ZBTB7C: variants seen among roughly 807,000 people sequenced by gnomAD.
ZBTB7C encodes zinc finger and BTB domain containing 7C, also known as zinc finger and BTB domain-containing protein 7C.
A neutral mutation model predicts 25.7 loss-of-function variants in ZBTB7C; 8 were observed. That is an observed-to-expected ratio of 0.31 (90% CI 0.18 to 0.56). The LOEUF is 0.56. Ranked by LOEUF, ZBTB7C falls within the 20% of genes least tolerant of loss-of-function variation. The pLI, the probability that ZBTB7C is intolerant of heterozygous loss-of-function variation, is 0.91. For synonymous variants in ZBTB7C, 394 were observed against 369.0 expected (o/e 1.07, Z -0.78); for missense variants, 824 against 855.2 (o/e 0.96, Z 0.46).
At chr18:48,164,360 C>T (rs1447945208) in intron 3 of ZBTB7C, among the ~76,000 whole-genome samples, 1 of 152,206 alleles carries the variant, frequency 6.6e-6, no homozygotes, top group Non-Finnish European at 1.5e-5. Flanking sequence ...ACTCAGACTT[C>T]TCATTCCAGG....
At chr18:48,226,658 A>G (rs958709004) in intron 2 of ZBTB7C, among the ~76,000 whole-genome samples, 4 of 152,220 alleles carry the variant, frequency 2.6e-5, no homozygotes, top group Non-Finnish European at 5.9e-5. Context: ...GGAGCAGTAC[A>G]TGTTCACTGA....
chr18:48,157,150 T>C (rs1339624525), intron 3 of ZBTB7C, among the ~76,000 whole-genome samples: 1 of 152,222 alleles, frequency 6.6e-6, no homozygotes, highest in Non-Finnish European at 1.5e-5. Context: ...TATGTGGCTT[T>C]TGCCTATAAC....
intron 2 of ZBTB7C, among the ~76,000 whole-genome samples, chr18:48,219,958 C>T (rs758362757): frequency 2.0e-5 from 3 of 152,124 alleles, no homozygotes; most frequent in Non-Finnish European, 2.9e-5. Flanking sequence ...CCTGTTATGG[C>T]CCCTCCCAGA....
At chr18:48,322,759 A>C (rs2046128606) in intron 2 of ZBTB7C, among the ~76,000 whole-genome samples, 1 of 152,230 alleles carries the variant, frequency 6.6e-6, no homozygotes, top group Non-Finnish European at 1.5e-5. Flanking sequence ...TGTTTATAGC[A>C]GCACAATTCG....
At chr18:48,108,356 C>A (rs957621199) in intron 3 of ZBTB7C, among the ~76,000 whole-genome samples, 6 of 152,122 alleles carry the variant, frequency 3.9e-5, no homozygotes, top group Non-Finnish European at 8.8e-5. Context: ...GGATCAGCAG[C>A]GACCACAGGC....
At chr18:48,200,486 C>G (rs1470656819) in intron 2 of ZBTB7C, among the ~76,000 whole-genome samples, 1 of 152,078 alleles carries the variant, frequency 6.6e-6, no homozygotes, top group East Asian at 1.9e-4. Context: ...AGGACAGGCA[C>G]GAAATATCTC....
At chr18:48,159,907 G>A (rs940640566) in intron 3 of ZBTB7C, among the ~76,000 whole-genome samples, 2 of 152,242 alleles carry the variant, frequency 1.3e-5, no homozygotes, top group Admixed American at 1.3e-4. Context: ...TGGGGCTGTG[G>A]TCTCTTCACA....
At chr18:48,119,911 C>A (rs564584304) in intron 3 of ZBTB7C, among the ~76,000 whole-genome samples, 1 of 152,286 alleles carries the variant, frequency 6.6e-6, no homozygotes, top group South Asian at 2.1e-4. Flanking sequence ...CACTTTGAGT[C>A]TGGAGTGTGT....
At chr18:48,364,390 C>T (rs548342648) in intron 1 of ZBTB7C, among the ~76,000 whole-genome samples, 1 of 152,296 alleles carries the variant, frequency 6.6e-6, no homozygotes, top group South Asian at 2.1e-4. Context: ...AATCCACCCA[C>T]AGGAGGCAGC....
chr18:48,142,135 C>T (rs138849026), intron 3 of ZBTB7C, among the ~76,000 whole-genome samples: 1 of 152,366 alleles, frequency 6.6e-6, no homozygotes, highest in African/African-American at 2.4e-5. Context: ...GGCAACCCAG[C>T]CATTTGGAAC....
intron 3 of ZBTB7C, among the ~76,000 whole-genome samples, chr18:48,091,238 A>ATTTTTTTTT (rs35051690): frequency 0.02 from 1,309 of 64,610 alleles, 42 homozygotes; most frequent in East Asian, 0.03. Flanking sequence ...TGCCCGGATA[A>ATTTTTTTTT]TTTTTTTTTT....
At chr18:48,181,824 A>G (rs1426186037) in intron 3 of ZBTB7C, among the ~76,000 whole-genome samples, 1 of 152,238 alleles carries the variant, frequency 6.6e-6, no homozygotes, top group Non-Finnish European at 1.5e-5. Flanking sequence ...ACAATTGCCT[A>G]TGCATGTTAG....
At position 48,192,221 on chromosome 18, in the gene ZBTB7C, T is replaced by C. The variant is rs557489621; in HGVS notation, c.-78-6226A>G. On this transcript the variant is annotated intron_variant, in intron 2 of 4. Coordinates refer to ENST00000590800, the MANE Select transcript of ZBTB7C (RefSeq NM_001318841.2). ...AAGAAGGCAACTGGAAAAGGCTACA[T>C]ACTGTCTGATTCCAACTATATGACA... 7.9e-4 allele frequency among the ~76,000 whole-genome samples: 121 copies of C among 152,322 alleles called. 2 individuals carry two copies. In the South Asian group the frequency reaches 0.024, roughly 30 times the overall value.
intron 2 of ZBTB7C, chr18:48,203,629 T>C (rs949203): frequency 0.92 from 139,980 of 152,208 alleles, 64,991 homozygotes; most frequent in East Asian, 0.99. Context: ...TCTTTTGGTG[T>C]CACCTTCCCT....
At chr18:48,298,336 C>T (rs1598813184) in intron 2 of ZBTB7C, among the ~76,000 whole-genome samples, 1 of 151,184 alleles carries the variant, frequency 6.6e-6, no homozygotes, top group East Asian at 2.0e-4. Flanking sequence ...CTCCTGGGGA[C>T]AGACCTGCCC....
At position 48,299,248 on chromosome 18, in the gene ZBTB7C, GA is replaced by G. The variant is rs1293294516; in HGVS notation, c.-79+38925del. On this transcript the variant is annotated intron_variant, in intron 2 of 4. Transcript: ENST00000590800. ...ATTTAATGCTCAACACTCATGCAGG[GA>G]AAAAAACTTATCCCCATAATTACTG... Among the ~76,000 whole-genome samples, 23 of 152,216 alleles carry G rather than the reference GA, an allele frequency of 1.5e-4. No homozygotes were observed. The East Asian group carries it at 2.3e-3, about 15-fold the overall frequency.
rs748213528 is a variant in ZBTB7C at position 48,278,943 on chromosome 18, GT to G, written c.-79+59230del. 7.1e-3 allele frequency among the ~76,000 whole-genome samples: 1,001 copies of G among 141,012 alleles called. 5 individuals are homozygous for G. Among genetic ancestry groups the G allele is most frequent in the African/African-American group, 0.012 (462 of 38,830 alleles). The allele number at this position is 141,012 out of a possible 152,430, so 92.5% of individuals were successfully genotyped here. A position where few individuals can be genotyped will look rare whatever the true frequency, so the allele number is the denominator to read the frequency against. On this transcript the variant is annotated intron_variant, in intron 2 of 4. Coordinates refer to ENST00000590800, the MANE Select transcript of ZBTB7C (RefSeq NM_001318841.2). The stretch of plus-strand genomic sequence containing the variant: ...TTTTTCTGTGTTGTTTTGCTTTCTT[GT>G]TTTTTTTTTTTTTAATTCATCAATT...
At chr18:48,335,620 CCCTGGGTGCTCCTTGGCAA>C (rs1381720776) in intron 2 of ZBTB7C, among the ~76,000 whole-genome samples, 7 of 152,136 alleles carry the variant, frequency 4.6e-5, no homozygotes, top group Non-Finnish European at 8.8e-5. Flanking sequence ...TACCCCTGGC[CCCTGGGTGCTCCTTGGCAA>C]GATATTCTAG....
At chr18:48,121,460 G>A (rs2039627448) in intron 3 of ZBTB7C, among the ~76,000 whole-genome samples, 1 of 151,220 alleles carries the variant, frequency 6.6e-6, no homozygotes, top group Admixed American at 6.6e-5. Context: ...AAATTTAAGC[G>A]ATGTACACAT....
Sources: gnomAD v4.1 joint callset for allele counts (sites outside exome capture counted in the v4.1 genomes callset) on GRCh38, gnomAD v4.1.1 for gene constraint, MANE v1.5 for transcripts, NCBI Gene and HGNC (gene_info 2026-07-23, HGNC 2026-07-21) for gene names.